Variants in PRIM2 observed in about 807,000 individuals in gnomAD.
PRIM2 encodes the protein DNA primase large subunit.
Under a neutral mutation model 67.3 loss-of-function variants are expected in PRIM2, and 39 were observed. The ratio of observed to expected loss-of-function variants is 0.58; its 90% CI spans 0.45 to 0.76. The LOEUF is 0.76. Among genes scored for constraint, PRIM2 ranks in the 30% least tolerant of loss-of-function variants. The pLI, the probability that PRIM2 is intolerant of heterozygous loss-of-function variation, is 0.00. For synonymous variants in PRIM2, 143 were observed against 198.7 expected, an observed-to-expected ratio of 0.72 and a Z score of 2.36; for missense variants, 398 against 598.7, an observed-to-expected ratio of 0.66 and a Z score of 3.50.
At chr6:57,561,078 T>C (rs1276688145) in intron 10 of PRIM2, among the ~76,000 whole-genome samples, 3 of 152,204 alleles carry the variant, frequency 2.0e-5, no homozygotes, top group Non-Finnish European at 4.4e-5. Flanking sequence ...ATGTGTTGTT[T>C]AGTATAGCCA....
intron 5 of PRIM2, among the ~76,000 whole-genome samples, chr6:57,351,085 G>T (rs1768843207): frequency 6.6e-6 from 1 of 150,876 alleles, no homozygotes; most frequent in Non-Finnish European, 1.5e-5. Flanking sequence ...AAGGATTGGG[G>T]AATTGAGACC....
chr6:57,462,835 A>C (rs1773052442), intron 7 of PRIM2, among the ~76,000 whole-genome samples: 1 of 152,218 alleles, frequency 6.6e-6, no homozygotes, highest in Admixed American at 6.5e-5. Flanking sequence ...TTGAAAGTAG[A>C]GTCTTTAACA....
At chr6:57,247,926 A>T in the PRIM2 span, among the ~76,000 whole-genome samples, 1 of 152,340 alleles carries the variant, frequency 6.6e-6, no homozygotes, top group East Asian at 1.9e-4. Context: ...GACTAAAAAA[A>T]ATCAAGACAC....
chr6:57,421,809 CT>C (rs1161527400), intron 7 of PRIM2, among the ~76,000 whole-genome samples: 2 of 152,114 alleles, frequency 1.3e-5, no homozygotes, highest in African/African-American at 4.8e-5. Flanking sequence ...GTATGCTTTT[CT>C]TTTCTCCATT....
the PRIM2 span, among the ~76,000 whole-genome samples, chr6:57,242,643 G>A: frequency 2.2e-4 from 33 of 152,228 alleles, no homozygotes; most frequent in East Asian, 3.7e-3. Context: ...ACTGTATGAC[G>A]TCTCAGGGTG....
chr6:57,411,764 C>A (rs1376693615), intron 7 of PRIM2, among the ~76,000 whole-genome samples: 1 of 151,980 alleles, frequency 6.6e-6, no homozygotes, highest in Non-Finnish European at 1.5e-5. Flanking sequence ...GGATGTTGAT[C>A]TAGACTTTTC....
intron 5 of PRIM2, among the ~76,000 whole-genome samples, chr6:57,340,258 G>C (rs964978321): frequency 6.6e-6 from 1 of 152,176 alleles, no homozygotes; most frequent in Non-Finnish European, 1.5e-5. Context: ...ACAGTTGGTG[G>C]GACTGTAAAC....
intron 7 of PRIM2, among the ~76,000 whole-genome samples, chr6:57,490,067 G>A (rs1773854238): frequency 6.6e-6 from 1 of 152,104 alleles, no homozygotes; most frequent in Admixed American, 6.5e-5. Context: ...GGCTGATGGG[G>A]TGAGGAGCTG....
rs1474667461 is a variant in PRIM2, at chr6:57,318,521, C to T, written c.76C>T (p.Leu26Phe). 1 of 1,604,964 alleles carries T rather than the reference C, an allele frequency of 6.2e-7. No homozygotes were observed. Residue 26 changes from leucine to phenylalanine, a missense_variant, in exon 2 of 14, where the codon CTT becomes TTT. By Grantham distance (22) the Leu-to-Phe change is conservative (BLOSUM62 0). Transcript: ENST00000615550. ...DQRNASYPHC[L>F]QFYLQPPSEN... ...GAGGAATGCTTCCTACCCTCATTGC[C>T]TTCAGTTTTACTTGCAGCCACCTTC...
the PRIM2 span, among the ~76,000 whole-genome samples, chr6:57,282,281 G>A: frequency 6.6e-6 from 1 of 152,014 alleles, no homozygotes; most frequent in East Asian, 1.9e-4. Context: ...CTTACTATCC[G>A]ATGCTAAACA....
chr6:57,332,733 T>C (rs1245607798), intron 5 of PRIM2, among the ~76,000 whole-genome samples: 1 of 152,160 alleles, frequency 6.6e-6, no homozygotes, highest in Non-Finnish European at 1.5e-5. Context: ...TTCTATTCTT[T>C]TTATTTTCAT....
chr6:57,606,715 A>T (rs1417538326), intron 12 of PRIM2, among the ~76,000 whole-genome samples: 1 of 152,176 alleles, frequency 6.6e-6, no homozygotes, highest in Non-Finnish European at 1.5e-5. Context: ...CCCACACCTC[A>T]GTTTGTTTTA....
chr6:57,368,932 G>A (rs1004964897), intron 5 of PRIM2, among the ~76,000 whole-genome samples: 10 of 152,184 alleles, frequency 6.6e-5, no homozygotes, highest in African/African-American at 2.2e-4. Flanking sequence ...GGCAGATCGA[G>A]TAGGCTCTGT....
chr6:57,551,222 G>T (rs1350097177), intron 10 of PRIM2, among the ~76,000 whole-genome samples: 1 of 152,118 alleles, frequency 6.6e-6, no homozygotes, highest in African/African-American at 2.4e-5. Flanking sequence ...CCCAGAGAAT[G>T]GTTGTGCTTT....
At chr6:57,384,888 G>A (rs1770088740) in intron 7 of PRIM2, among the ~76,000 whole-genome samples, 1 of 152,020 alleles carries the variant, frequency 6.6e-6, no homozygotes, top group Admixed American at 6.6e-5. Context: ...TTTTACTTTT[G>A]GGTTTAAAGC....
the PRIM2 span, among the ~76,000 whole-genome samples, chr6:57,232,348 C>T: frequency 6.6e-6 from 1 of 152,216 alleles, no homozygotes; most frequent in East Asian, 1.9e-4. Flanking sequence ...GTCAGGAGTT[C>T]GAGACCAGCC....
At chr6:57,425,825 A>G (rs1470009755) in intron 7 of PRIM2, among the ~76,000 whole-genome samples, 1 of 152,126 alleles carries the variant, frequency 6.6e-6, no homozygotes, top group Admixed American at 6.5e-5. Context: ...CTTTTTATTA[A>G]TTCATTTTTT....
intron 13 of PRIM2, among the ~76,000 whole-genome samples, chr6:57,643,143 A>G (rs1393630469): frequency 6.6e-6 from 1 of 152,150 alleles, no homozygotes; most frequent in African/African-American, 2.4e-5. Flanking sequence ...AGATTACCCT[A>G]TTTTGTGCAC....
At chr6:57,531,743 T>G (rs1382950867) in intron 8 of PRIM2, among the ~76,000 whole-genome samples, 8 of 152,292 alleles carry the variant, frequency 5.3e-5, no homozygotes, top group African/African-American at 1.9e-4. Flanking sequence ...TGCTTTCTGA[T>G]CCTAACAAGT....
Sources: gnomAD v4.1 joint callset for allele counts (sites outside exome capture counted in the v4.1 genomes callset) on GRCh38, gnomAD v4.1.1 for gene constraint, MANE v1.5 for transcripts, NCBI Gene and HGNC (gene_info 2026-07-23, HGNC 2026-07-21) for gene names.